GRID2: variants seen among roughly 807,000 people sequenced by gnomAD.
GRID2 encodes the protein glutamate ionotropic receptor delta type subunit 2, also known as glutamate receptor ionotropic, delta-2.
A neutral mutation model predicts 114.8 loss-of-function variants in GRID2; 33 were observed. The observed-to-expected ratio is 0.29, with a 90% confidence interval of 0.22 to 0.38. The LOEUF (loss-of-function observed/expected upper bound fraction) is 0.38. Among genes scored for constraint, GRID2 ranks in the 10% least tolerant of loss-of-function variants. The probability of loss-of-function intolerance (pLI) is 1.00; values close to 1 mark genes in which losing one functional copy is unlikely to be tolerated. For missense variants in GRID2, 1,184 were observed against 1,257.7 expected (o/e 0.94, Z 0.89); for synonymous variants, 505 against 449.9 (o/e 1.12, Z -1.55).
rs2149193355 is a variant in GRID2 at position 92,984,685 on chromosome 4, A to G, written c.245-100310A>G. Among the ~76,000 whole-genome samples the G allele has an allele frequency of 1.3e-5, 2 of 152,180 alleles. 1 individual carries two copies. Among genetic ancestry groups the G allele is most frequent in the South Asian group, 4.1e-4 (2 of 4,828 alleles). ...ATTAGCTAAACTAAAGACTATTTGA[A>G]TTTCACCAGATGTCCTTTTCTGTTC... is the stretch of plus-strand genomic sequence containing the variant. On this transcript the variant is annotated intron_variant, in intron 2 of 15. Coordinates refer to ENST00000282020, the MANE Select transcript of GRID2 (RefSeq NM_001510.4).
rs1561035469 is a variant in GRID2 at position 93,244,513 on chromosome 4, CTATTAATTAATA to C, written c.1245+6024_1245+6035del. ...TCTATTAATTAATAGATTATATAATCTATTAATTAATAGATTATATAATCTATTAATTAATAG... is the reference window on the plus strand; with the variant it reads ...TCTATTAATTAATAGATTATATAATCGATTATATAATCTATTAATTAATAG... On this transcript the variant is annotated intron_variant, in intron 8 of 15. Transcript: ENST00000282020. Among the ~76,000 whole-genome samples the C allele has an allele frequency of 2.1e-4, 6 of 28,994 alleles. No individual in the cohort carries two copies. The East Asian group carries it at 2.1e-3, about 10-fold the overall frequency. 19.0% of individuals were successfully genotyped at this position (28,994 alleles called of 152,430 possible).
intron 1 of GRID2, among the ~76,000 whole-genome samples, chr4:92,308,475 CACAA>C (rs1422838718): frequency 6.6e-6 from 1 of 152,062 alleles, no homozygotes; most frequent in African/African-American, 2.4e-5. Context: ...ATGTTTTTCT[CACAA>C]ACAGATGATA....
At chr4:93,020,060 T>G (rs2149244310) in intron 2 of GRID2, among the ~76,000 whole-genome samples, 1 of 152,284 alleles carries the variant, frequency 6.6e-6, no homozygotes, top group Admixed American at 6.5e-5. Flanking sequence ...AGTTCACAAT[T>G]TATAAAACGG....
chr4:93,277,786 A>G (rs1359119760), intron 8 of GRID2, among the ~76,000 whole-genome samples: 7 of 151,904 alleles, frequency 4.6e-5, no homozygotes, highest in Non-Finnish European at 1.5e-5. Context: ...CCCTCTTTGC[A>G]TCTGTTAGTC....
At chr4:92,654,880 G>A (rs1162147791) in intron 2 of GRID2, among the ~76,000 whole-genome samples, 1 of 151,804 alleles carries the variant, frequency 6.6e-6, no homozygotes, top group African/African-American at 2.4e-5. Flanking sequence ...TGTTTCTTTT[G>A]CTTTGAAGAA....
Position 92,760,827 on chromosome 4 carries a change from G to A in GRID2, c.244+170541G>A, listed in dbSNP as rs543331155. On this transcript the variant is annotated intron_variant, in intron 2 of 15. Transcript: ENST00000282020. Reference sequence around the variant, plus strand: ...GGCAATGGCATGTTGGGCTTTATTTGTTCTTTAAAAATATACAGATAGCTA... The same window carrying A: ...GGCAATGGCATGTTGGGCTTTATTTATTCTTTAAAAATATACAGATAGCTA... Among the ~76,000 whole-genome samples the A allele has an allele frequency of 1.6e-4, 24 of 152,178 alleles. No individual in the cohort carries two copies. In the East Asian group the frequency reaches 4.3e-3, roughly 27 times the overall value.
At chr4:92,359,102 G>A (rs561615302) in intron 1 of GRID2, among the ~76,000 whole-genome samples, 4 of 151,934 alleles carry the variant, frequency 2.6e-5, no homozygotes, top group African/African-American at 9.6e-5. Flanking sequence ...TGTTTGGTTG[G>A]CCTTAACTAA....
At chr4:93,671,738 G>A (rs1019918797) in intron 14 of GRID2, among the ~76,000 whole-genome samples, 1 of 152,092 alleles carries the variant, frequency 6.6e-6, no homozygotes, top group African/African-American at 2.4e-5. Context: ...GGAGACTGAG[G>A]TGGGTGGATC....
chr4:92,370,486 C>T (rs1158210884), intron 1 of GRID2, among the ~76,000 whole-genome samples: 1 of 152,022 alleles, frequency 6.6e-6, no homozygotes, highest in Non-Finnish European at 1.5e-5. Context: ...CCCATCTCTA[C>T]TAAAAATACA....
At chr4:92,910,241 C>G (rs924147228) in intron 2 of GRID2, among the ~76,000 whole-genome samples, 1 of 151,906 alleles carries the variant, frequency 6.6e-6, no homozygotes, top group African/African-American at 2.4e-5. Context: ...ATGCTCAGGA[C>G]TTAATCAGAA....
At chr4:92,732,373 T>C (rs1456839344) in intron 2 of GRID2, among the ~76,000 whole-genome samples, 2 of 152,068 alleles carry the variant, frequency 1.3e-5, no homozygotes, top group Admixed American at 6.6e-5. Context: ...ACAAATCTTT[T>C]ACTGAGTGTA....
At chr4:92,961,561 T>C (rs887827033) in intron 2 of GRID2, among the ~76,000 whole-genome samples, 11 of 151,584 alleles carry the variant, frequency 7.3e-5, no homozygotes, top group African/African-American at 2.7e-4. Context: ...TAGTGAGTGC[T>C]TTTTTTCTTT....
chr4:93,412,698 G>T (rs1239332357), intron 9 of GRID2, among the ~76,000 whole-genome samples: 1 of 152,000 alleles, frequency 6.6e-6, no homozygotes, highest in Non-Finnish European at 1.5e-5. Flanking sequence ...GTCATCTAGG[G>T]TTTAAGCACC....
chr4:93,055,647 AAC>A (rs759070384), intron 2 of GRID2, among the ~76,000 whole-genome samples: 14 of 151,974 alleles, frequency 9.2e-5, no homozygotes, highest in Non-Finnish European at 1.8e-4. Flanking sequence ...TTTGACTTAA[AAC>A]AACCTGAAAG....
chr4:92,662,988 GC>G (rs147711564), intron 2 of GRID2, among the ~76,000 whole-genome samples: 7,892 of 151,046 alleles, frequency 0.052, 282 homozygotes, highest in Middle Eastern at 0.14. Flanking sequence ...ATGATACTGT[GC>G]TTTTGAGCTC....
At chr4:93,585,719 C>G (rs956178357) in intron 13 of GRID2, among the ~76,000 whole-genome samples, 3 of 151,996 alleles carry the variant, frequency 2.0e-5, no homozygotes, top group Non-Finnish European at 4.4e-5. Flanking sequence ...GGTATCTTAT[C>G]CTTCTTCATG....
chr4:92,812,294 A>T (rs1740698908), intron 2 of GRID2, among the ~76,000 whole-genome samples: 1 of 152,106 alleles, frequency 6.6e-6, no homozygotes, highest in South Asian at 2.1e-4. Flanking sequence ...ATTGTAATAT[A>T]GATTATAAAA....
At chr4:93,798,921 T>C (rs1734863069) in intron 1 of GRID2, among the ~76,000 whole-genome samples, 2 of 152,158 alleles carry the variant, frequency 1.3e-5, no homozygotes, top group South Asian at 4.1e-4. Context: ...GTTCCTGTCT[T>C]GTACATTCCA....
At chr4:92,686,658 T>C (rs1285750535) in intron 2 of GRID2, among the ~76,000 whole-genome samples, 1 of 152,126 alleles carries the variant, frequency 6.6e-6, no homozygotes, top group African/African-American at 2.4e-5. Flanking sequence ...TTAATATTTG[T>C]GTTCCTACTC....
Sources: allele counts gnomAD v4.1 joint callset (sites outside exome capture counted in the v4.1 genomes callset), GRCh38; gene constraint gnomAD v4.1.1; transcripts MANE v1.5; gene names NCBI Gene and HGNC (gene_info 2026-07-23, HGNC 2026-07-21).